The following LIPI variants were observed in gnomAD, a reference collection of about 807,000 sequenced individuals.
LIPI encodes lipase member I.
A neutral mutation model predicts 50.6 loss-of-function variants in LIPI; 59 were observed. The ratio of observed to expected loss-of-function variants is 1.16; its 90% CI spans 0.94 to 1.45. The LOEUF (loss-of-function observed/expected upper bound fraction) is 1.45. Ranked by LOEUF, LIPI falls within the 40% of genes most tolerant of loss-of-function variation. The pLI, the probability that LIPI is intolerant of heterozygous loss-of-function variation, is 0.00. For synonymous variants in LIPI, 203 were observed against 178.2 expected (o/e 1.14, Z -1.11); for missense variants, 586 against 536.3 (o/e 1.09, Z -0.92).
chr21:14,209,420 A>G (rs573662230), intron 1 of LIPI, among the ~76,000 whole-genome samples: 25 of 152,320 alleles, frequency 1.6e-4, no homozygotes, highest in African/African-American at 5.3e-4. Context: ...TAAATAAAAC[A>G]CACTTGTATG....
intron 4 of LIPI, among the ~76,000 whole-genome samples, chr21:14,178,221 A>T (rs945279559): frequency 1.3e-4 from 20 of 152,160 alleles, no homozygotes; most frequent in Admixed American, 4.6e-4. Flanking sequence ...TTGAACTTGT[A>T]GACTGATTAT....
At chr21:14,200,482 C>A (rs1197892293) in intron 1 of LIPI, among the ~76,000 whole-genome samples, 1 of 152,034 alleles carries the variant, frequency 6.6e-6, no homozygotes, top group Admixed American at 6.6e-5. Context: ...AGAGCCAAAT[C>A]AGGAATTAAC....
rs2018643928 is a variant in LIPI, at chr21:14,165,380, G to T, written c.744C>A (p.Phe248Leu). ...CPKSIFSGIQ[F>L]IKCNHQRAVH... ...CTGCTCTCTGGTGGTTGCATTTAAT[G>T]AATTGAATTCCTTAAGGGTTAAAAA... The change falls in exon 6 of 10, where the codon TTC (phenylalanine) becomes TTA (leucine). Residue 248 changes from phenylalanine to leucine, a missense_variant. Phe to Leu is a conservative substitution (Grantham distance 22, BLOSUM62 0). Coordinates refer to ENST00000681601, the MANE Select transcript of LIPI (RefSeq NM_001302998.2). The T allele has an allele frequency of 1.9e-6, 3 of 1,608,156 alleles. No homozygotes were observed. Among genetic ancestry groups the T allele is most frequent in the South Asian group, 1.1e-5 (1 of 90,762 alleles).
At position 14,109,087 on chromosome 21, in the gene LIPI, AAG is replaced by A. The variant is rs375881555; in HGVS notation, c.1296-9_1296-8del. On this transcript the variant is annotated splice_polypyrimidine_tract_variant and splice_region_variant and intron_variant, in intron 9 of 9. Transcript: ENST00000681601. ...ATACCTGCAAAGTGGTGGTCTGAGA[AAG>A]AGAAAAATGGAGAGAACAAAAAAAT... is the stretch of plus-strand genomic sequence containing the variant. 2.2e-4 allele frequency: 353 copies of A among 1,587,642 alleles called. 1 individual carries two copies. The East Asian group carries it at 7.6e-3, about 34-fold the overall frequency.
chr21:14,175,728 T>C (rs943676132), intron 4 of LIPI, among the ~76,000 whole-genome samples: 1 of 152,208 alleles, frequency 6.6e-6, no homozygotes, highest in Non-Finnish European at 1.5e-5. Context: ...TCAAGGTTTT[T>C]TTCATCTTCA....
chr21:14,140,767 TC>T (rs2017677520), intron 9 of LIPI, among the ~76,000 whole-genome samples: 1 of 152,170 alleles, frequency 6.6e-6, no homozygotes, highest in South Asian at 2.1e-4. Flanking sequence ...TCCATTATAT[TC>T]TTCCTCAAGC....
chr21:14,183,980 A>G (rs2019364767), intron 3 of LIPI, among the ~76,000 whole-genome samples: 1 of 152,212 alleles, frequency 6.6e-6, no homozygotes, highest in South Asian at 2.1e-4. Flanking sequence ...TACTGGGTAT[A>G]TACGCAAAGG....
chr21:14,131,114 C>T (rs889545474), intron 9 of LIPI, among the ~76,000 whole-genome samples: 26 of 152,024 alleles, frequency 1.7e-4, no homozygotes, highest in Admixed American at 6.5e-5. Context: ...CCACACCCGG[C>T]TAATTTTTTG....
At chr21:14,134,831 T>TA (rs145495049) in intron 9 of LIPI, among the ~76,000 whole-genome samples, 4,267 of 151,842 alleles carry the variant, frequency 0.028, 190 homozygotes, top group African/African-American at 0.094. Flanking sequence ...CAGAAACTAT[T>TA]AAAAAAAATC....
At chr21:14,156,355 C>T (rs1035216529) in intron 7 of LIPI, among the ~76,000 whole-genome samples, 4 of 151,562 alleles carry the variant, frequency 2.6e-5, no homozygotes, top group Non-Finnish European at 5.9e-5. Context: ...ACAGAGATGT[C>T]GTGCAGAAAA....
chr21:14,186,003 A>G lies in LIPI; in HGVS notation c.499T>C (p.Phe167Leu), dbSNP rs990764688. 26 of 1,602,908 alleles carry G rather than the reference A, an allele frequency of 1.6e-5. No homozygotes were observed. The highest frequency in any genetic ancestry group is 2.1e-5 in the Non-Finnish European group (25 of 1,170,242). The change falls in exon 3 of 10, where the codon TTT becomes CTT. Residue 167 changes from phenylalanine to leucine, a missense_variant. Transcript: ENST00000681601. Reference protein sequence around the residue: ...GVSLGAHISGFVGKIFHGQLG... With the variant: ...GVSLGAHISGLVGKIFHGQLG... ...TGACCATGAAATATCTTTCCAACAA[A>G]TCCACTGATATGAGCCCCTAAGCTC...
At chr21:14,152,439 C>T (rs781038806) in intron 8 of LIPI, 134 bp downstream of exon 8, 6 of 597,116 alleles carry the variant, frequency 1.0e-5, no homozygotes, top group Non-Finnish European at 3.0e-6. Flanking sequence ...CATATGAGAT[C>T]CTTTTAATAT....
chr21:14,151,994 A>C (rs1249915455), intron 8 of LIPI, among the ~76,000 whole-genome samples: 1 of 152,032 alleles, frequency 6.6e-6, no homozygotes, highest in Non-Finnish European at 1.5e-5. Flanking sequence ...TTAGAAGGCA[A>C]TATGGTTAGG....
chr21:14,198,305 A>G (rs1351746857), intron 1 of LIPI, among the ~76,000 whole-genome samples: 9 of 152,172 alleles, frequency 5.9e-5, no homozygotes, highest in South Asian at 2.1e-4. Context: ...AAATGCCCCA[A>G]TTGAAAGACA....
chr21:14,196,120 C>A (rs972475841), intron 1 of LIPI, among the ~76,000 whole-genome samples: 1 of 44,134 alleles, frequency 2.3e-5, no homozygotes, highest in African/African-American at 7.2e-5. Flanking sequence ...TTTACGAGTT[C>A]GTAGCGTTTT....
chr21:14,181,854 C>T lies in LIPI; in HGVS notation c.547G>A (p.Asp183Asn). Residue 183 changes from aspartate (D) to asparagine (N), a missense_variant, in exon 4 of 10, where the codon GAC (aspartate) becomes AAC (asparagine). Physicochemically the swap from Asp to Asn is conservative, Grantham distance 23 (BLOSUM62 1). Transcript: ENST00000681601. ...CTGGAGAACCTTGGCCCAGCAGGGT[C>T]AAGACCTGGAAAGCAAGAAAGAAAT... The part of the protein sequence containing the change: ...HGQLGRITGL[D>N]PAGPRFSRKP... 1.3e-6 allele frequency: 2 copies of T among 1,595,390 alleles called. No individual in the cohort carries two copies. The highest frequency in any genetic ancestry group is 1.3e-5 in the African/African-American group (1 of 74,636).
Position 14,144,750 on chromosome 21 carries a change from A to T in LIPI, c.1168T>A (p.Phe390Ile). ...KLQEVKILAQ[F>I]YNDFVNISSI... ...GAAATATTTACAAAGTCATTATAAA[A>T]TTGAGCAAGAATCTTGACTTCTTGA... The change falls in exon 9 of 10, where the codon TTT becomes ATT. Residue 390 changes from phenylalanine (F) to isoleucine (I), a missense_variant. Transcript: ENST00000681601. The T allele has an allele frequency of 6.3e-7, 1 of 1,585,828 alleles. No individual in the cohort carries two copies. Among genetic ancestry groups the T allele is most frequent in the Non-Finnish European group, 8.7e-7 (1 of 1,155,276 alleles).
chr21:14,111,249 G>A lies in LIPI; in HGVS notation c.1296-2169C>T, dbSNP rs9978470. 1.5e-3 allele frequency among the ~76,000 whole-genome samples: 225 copies of A among 151,820 alleles called. 1 individual carries two copies. The highest frequency in any genetic ancestry group is 5.3e-3 in the African/African-American group (218 of 41,464). On this transcript the variant is annotated intron_variant, in intron 9 of 9. Transcript: ENST00000681601. The stretch of plus-strand genomic sequence containing the variant: ...TTTTTCCATGTTCTCACCAACATTT[G>A]TTATAACTTTTGTCTTTATGGTAAT...
intron 9 of LIPI, among the ~76,000 whole-genome samples, chr21:14,112,497 C>A (rs2016454689): frequency 6.6e-6 from 1 of 151,892 alleles, no homozygotes; most frequent in East Asian, 1.9e-4. Context: ...TTATTTGTGT[C>A]TTCTTCAATT....
Sources: allele counts gnomAD v4.1 joint callset (sites outside exome capture counted in the v4.1 genomes callset), GRCh38; gene constraint gnomAD v4.1.1; transcripts MANE v1.5; gene names NCBI Gene and HGNC (gene_info 2026-07-23, HGNC 2026-07-21).